Variants in CALCR observed in about 807,000 individuals in gnomAD.
The protein encoded by CALCR is calcitonin receptor.
CALCR carries 47 observed loss-of-function variants against 59.5 expected under a neutral mutation model. That is an observed-to-expected ratio of 0.79 (90% CI 0.63 to 1.01). CALCR has a LOEUF of 1.01. Ranked by LOEUF, CALCR falls within the 50% of genes least tolerant of loss-of-function variation. The pLI is 0.00. For missense variants in CALCR, 566 were observed against 597.1 expected (o/e 0.95, Z 0.54); for synonymous variants, 213 against 211.3 (o/e 1.01, Z -0.07).
At chr7:93,451,244 C>A (rs1392575118) in intron 8 of CALCR, among the ~76,000 whole-genome samples, 1 of 151,902 alleles carries the variant, frequency 6.6e-6, no homozygotes, top group Non-Finnish European at 1.5e-5. Flanking sequence ...TTTTCAAAAC[C>A]CTTGAACCTA....
chr7:93,552,677 A>G (rs1254972066), intron 2 of CALCR, among the ~76,000 whole-genome samples: 1 of 152,198 alleles, frequency 6.6e-6, no homozygotes, highest in African/African-American at 2.4e-5. Context: ...AGAGGTTAGA[A>G]CTAGAAGCCT....
intron 2 of CALCR, among the ~76,000 whole-genome samples, chr7:93,546,895 G>A (rs1162891220): frequency 2.0e-5 from 3 of 152,034 alleles, no homozygotes; most frequent in Non-Finnish European, 4.4e-5. Flanking sequence ...TTAGATTGGA[G>A]GAGAAACTGG....
At chr7:93,479,986 G>T (rs956610315) in intron 3 of CALCR, among the ~76,000 whole-genome samples, 10 of 151,808 alleles carry the variant, frequency 6.6e-5, no homozygotes, top group African/African-American at 2.4e-4. Context: ...TACACTGCCA[G>T]AAATTTATCC....
intron 11 of CALCR, 87 bp downstream of exon 11, chr7:93,437,972 TA>T: frequency 1.7e-6 from 2 of 1,143,504 alleles, no homozygotes; most frequent in Non-Finnish European, 2.6e-6. Context: ...TTTGAAGTTA[TA>T]AAACATATGA....
At chr7:93,567,445 G>C (rs1330398009) in intron 2 of CALCR, among the ~76,000 whole-genome samples, 1 of 152,028 alleles carries the variant, frequency 6.6e-6, no homozygotes, top group Non-Finnish European at 1.5e-5. Flanking sequence ...TAATACAAAA[G>C]GGAGATTAAA....
At chr7:93,499,867 C>T (rs575954763) in intron 2 of CALCR, among the ~76,000 whole-genome samples, 12 of 151,902 alleles carry the variant, frequency 7.9e-5, no homozygotes, top group Non-Finnish European at 1.0e-4. Flanking sequence ...CACATACATA[C>T]GAAACCATTC....
intron 13 of CALCR, among the ~76,000 whole-genome samples, chr7:93,429,730 G>C (rs1440929067): frequency 6.6e-6 from 1 of 152,006 alleles, no homozygotes; most frequent in East Asian, 1.9e-4. Context: ...GGAATAGAAG[G>C]TGAGGTTTAC....
intron 5 of CALCR, among the ~76,000 whole-genome samples, chr7:93,472,731 A>G (rs145958461): frequency 1.1e-3 from 168 of 151,828 alleles, no homozygotes; most frequent in African/African-American, 3.9e-3. Flanking sequence ...ACAAATTCAA[A>G]GCAGACAGTG....
chr7:93,517,051 A>T (rs542479592), intron 2 of CALCR, among the ~76,000 whole-genome samples: 5 of 151,994 alleles, frequency 3.3e-5, no homozygotes, highest in South Asian at 2.1e-4. Context: ...AGAAGCAGGT[A>T]TCATAAGGTT....
chr7:93,433,348 A>C (rs1191326433), intron 13 of CALCR, among the ~76,000 whole-genome samples: 1 of 152,248 alleles, frequency 6.6e-6, no homozygotes, highest in Non-Finnish European at 1.5e-5. Context: ...AAAATGTTCA[A>C]AAATGCTTTG....
At chr7:93,450,028 G>T (rs941649534) in intron 8 of CALCR, among the ~76,000 whole-genome samples, 3 of 152,006 alleles carry the variant, frequency 2.0e-5, no homozygotes, top group African/African-American at 4.8e-5. Flanking sequence ...TGCCCAAGGG[G>T]CATGTGAATA....
intron 2 of CALCR, among the ~76,000 whole-genome samples, chr7:93,532,712 T>TTCTTTAC: frequency 6.6e-6 from 1 of 151,708 alleles, no homozygotes; most frequent in Admixed American, 6.6e-5. Context: ...GATTGTGGCC[T>TTCTTTAC]ATGGAAGCAA....
Position 93,424,608 on chromosome 7 carries a change from G to A in CALCR, c.*1748C>T, listed in dbSNP as rs987939841. The A allele has an allele frequency of 1.3e-5, 2 of 152,428 alleles. No homozygotes were observed. The highest frequency in any genetic ancestry group is 2.4e-5 in the African/African-American group (1 of 41,386). The allele number at this position is 152,428 out of a possible 1,614,324, so 9.4% of individuals were successfully genotyped here. A position where few individuals can be genotyped will look rare whatever the true frequency, so the allele number is the denominator to read the frequency against. On this transcript the variant is annotated 3_prime_UTR_variant, in exon 14 of 14. Transcript: ENST00000426151. ...AGCATAAGCATTTCACATAATTTGG[G>A]CAGAACTATGTGCAATTCTATAATA...
chr7:93,532,379 A>G (rs151147072), intron 2 of CALCR, among the ~76,000 whole-genome samples: 5 of 152,216 alleles, frequency 3.3e-5, no homozygotes, highest in South Asian at 2.1e-4. Flanking sequence ...TCACTACTTT[A>G]TAAGTCCTCC....
At position 93,556,665 on chromosome 7, in the gene CALCR, C is replaced by CTA. The variant is rs1006813624; in HGVS notation, c.-27+17622_-27+17623dup. Among the ~76,000 whole-genome samples the CTA allele has an allele frequency of 2.4e-3, 366 of 150,848 alleles. 3 individuals carry two copies. Among genetic ancestry groups the CTA allele is most frequent in the African/African-American group, 8.1e-3 (331 of 40,930 alleles). ...TTTTACACAACAGGATCTTTTTTAT[C>CTA]TATATATATATATTTTTTCCTGAAA... On this transcript the variant is annotated intron_variant, in intron 2 of 13. Transcript: ENST00000426151.
intron 9 of CALCR, among the ~76,000 whole-genome samples, chr7:93,440,051 A>G (rs1799867002): frequency 6.6e-6 from 1 of 152,128 alleles, no homozygotes; most frequent in African/African-American, 2.4e-5. Flanking sequence ...ATTCTTTGAG[A>G]TTCATTTCAA....
chr7:93,532,837 G>GAAAAAAAAA (rs1788876291), intron 2 of CALCR, among the ~76,000 whole-genome samples: 1 of 21,738 alleles, frequency 4.6e-5, no homozygotes. Context: ...CATGTCCAAA[G>GAAAAAAAAA]CAAAAAAAAA....
In CALCR at chr7:93,472,398, C is replaced by A. The variant is rs762367996; in HGVS notation, c.406G>T (p.Ala136Ser). Reference sequence around the variant, plus strand: ...ACCTTCAGTTTCTCAGGAGTGAAAGCATTGCACATAGTATAGTTGGACCAG... The same window carrying A: ...ACCTTCAGTTTCTCAGGAGTGAAAGAATTGCACATAGTATAGTTGGACCAG... ...RTWSNYTMCNAFTPEKLKNAY... is the reference protein window; with the variant it reads ...RTWSNYTMCNSFTPEKLKNAY... Residue 136 changes from alanine to serine, a missense_variant, in exon 6 of 14, where the codon GCT (alanine) becomes TCT (serine). Coordinates refer to ENST00000426151, the MANE Select transcript of CALCR (RefSeq NM_001742.4). 4 of 1,605,086 alleles carry A rather than the reference C, an allele frequency of 2.5e-6. No individual in the cohort carries two copies. The highest frequency in any genetic ancestry group is 3.4e-6 in the Non-Finnish European group (4 of 1,173,218).
At chr7:93,535,516 A>G (rs1788960855) in intron 2 of CALCR, among the ~76,000 whole-genome samples, 1 of 151,764 alleles carries the variant, frequency 6.6e-6, no homozygotes, top group Non-Finnish European at 1.5e-5. Context: ...TATGAACTGA[A>G]AATGGACACA....
Sources: gnomAD v4.1 joint callset for allele counts (sites outside exome capture counted in the v4.1 genomes callset) on GRCh38, gnomAD v4.1.1 for gene constraint, MANE v1.5 for transcripts, NCBI Gene and HGNC (gene_info 2026-07-23, HGNC 2026-07-21) for gene names.